Variants in GRID2 observed in about 807,000 individuals in gnomAD.
The protein encoded by GRID2 is glutamate receptor ionotropic, delta-2.
A neutral mutation model predicts 114.8 loss-of-function variants in GRID2; 33 were observed. That is an observed-to-expected ratio of 0.29 (90% CI 0.22 to 0.38). The LOEUF (loss-of-function observed/expected upper bound fraction) is 0.38, where lower values mean the gene tolerates loss of function less well. Ranked by LOEUF, GRID2 falls within the 10% of genes least tolerant of loss-of-function variation. The probability of loss-of-function intolerance (pLI) is 1.00; values close to 1 mark genes in which losing one functional copy is unlikely to be tolerated. For synonymous variants in GRID2, 505 were observed against 449.9 expected (o/e 1.12, Z -1.55); for missense variants, 1,184 against 1,257.7 (o/e 0.94, Z 0.89).
At chr4:93,024,018 C>T (rs937376847) in intron 2 of GRID2, among the ~76,000 whole-genome samples, 3 of 151,770 alleles carry the variant, frequency 2.0e-5, no homozygotes, top group Non-Finnish European at 3.0e-5. Flanking sequence ...AAGAAAATCT[C>T]TATAAAAACA....
At chr4:93,220,962 A>G (rs1386623463) in intron 6 of GRID2, among the ~76,000 whole-genome samples, 1 of 152,208 alleles carries the variant, frequency 6.6e-6, no homozygotes, top group Non-Finnish European at 1.5e-5. Flanking sequence ...TTGACTGAAT[A>G]ATAAGCCTAA....
At chr4:92,969,278 T>G (rs1753345236) in intron 2 of GRID2, among the ~76,000 whole-genome samples, 1 of 151,684 alleles carries the variant, frequency 6.6e-6, no homozygotes. Flanking sequence ...TTATTATAAA[T>G]AATCCACAAT....
At chr4:92,362,370 T>G (rs1177379301) in intron 1 of GRID2, among the ~76,000 whole-genome samples, 1 of 151,994 alleles carries the variant, frequency 6.6e-6, no homozygotes, top group Non-Finnish European at 1.5e-5. Flanking sequence ...CAAAGTAGAT[T>G]GCAAAATAAT....
chr4:93,441,961 CT>C (rs1721661216), intron 10 of GRID2, among the ~76,000 whole-genome samples: 1 of 151,972 alleles, frequency 6.6e-6, no homozygotes, highest in Admixed American at 6.6e-5. Flanking sequence ...GTGAGGACAT[CT>C]GAGTGTCTCT....
rs538132176 is a variant in GRID2 at position 93,395,502 on chromosome 4, A to G, written c.1246-105A>G. The G allele has an allele frequency of 4.5e-5, 27 of 597,610 alleles. No homozygotes were observed. In the African/African-American group the frequency reaches 4.9e-4, roughly 11 times the overall value. The allele number at this position is 597,610 out of a possible 1,614,324, so 37.0% of individuals were successfully genotyped here. Reference sequence around the variant, plus strand: ...AAAACCTGTGCAGTACTCTTTCCATACCAATTATTCTAAGAGCTATCACAT... The same window carrying G: ...AAAACCTGTGCAGTACTCTTTCCATGCCAATTATTCTAAGAGCTATCACAT... On this transcript the variant is annotated intron_variant, in intron 8 of 15. Transcript: ENST00000282020.
At chr4:93,745,326 G>A (rs931558183) in intron 14 of GRID2, among the ~76,000 whole-genome samples, 1 of 152,140 alleles carries the variant, frequency 6.6e-6, no homozygotes, top group African/African-American at 2.4e-5. Flanking sequence ...GAAAAAAAGA[G>A]AGAATAGAAA....
chr4:92,423,593 T>C (rs75323378), intron 1 of GRID2, among the ~76,000 whole-genome samples: 1,894 of 152,242 alleles, frequency 0.012, 40 homozygotes, highest in African/African-American at 0.042. Flanking sequence ...AGAGAAGTGT[T>C]GTTACATTCT....
intron 2 of GRID2, among the ~76,000 whole-genome samples, chr4:92,896,562 A>G (rs1747178775): frequency 6.6e-6 from 1 of 150,552 alleles, no homozygotes; most frequent in Non-Finnish European, 1.5e-5. Context: ...AATATTATAT[A>G]TATATATATA....
At chr4:93,081,170 C>T (rs991843692) in intron 2 of GRID2, among the ~76,000 whole-genome samples, 1 of 151,790 alleles carries the variant, frequency 6.6e-6, no homozygotes, top group African/African-American at 2.4e-5. Flanking sequence ...TTAAAATCAC[C>T]GGAGGAAGTT....
chr4:93,077,301 A>G (rs1334721082), intron 2 of GRID2, among the ~76,000 whole-genome samples: 2 of 152,218 alleles, frequency 1.3e-5, no homozygotes, highest in Admixed American at 1.3e-4. Flanking sequence ...GTGATATTCT[A>G]GGTAGATAGC....
chr4:92,943,685 C>G (rs964345264), intron 2 of GRID2, among the ~76,000 whole-genome samples: 26 of 152,126 alleles, frequency 1.7e-4, no homozygotes, highest in African/African-American at 6.0e-4. Flanking sequence ...TTTTTCTGCT[C>G]TGTTTTTTCC....
rs1266661271 is a variant in GRID2 at position 92,449,710 on chromosome 4, T to TATATATATATAA, written c.89-140420_89-140419insTATATATATAAA. Among the ~76,000 whole-genome samples the TATATATATATAA allele has an allele frequency of 1.8e-3, 240 of 131,652 alleles. 4 individuals carry two copies. The highest frequency in any genetic ancestry group is 6.6e-3 in the African/African-American group (226 of 34,336). 86.4% of individuals were successfully genotyped at this position (131,652 alleles called of 152,430 possible). ...ATATATATATATATATATATATATA[T>TATATATATATAA]AACACTTAAGCCAAATTCATTTATA... On this transcript the variant is annotated intron_variant, in intron 1 of 15. Transcript: ENST00000282020.
At chr4:92,534,358 C>T (rs1207817829) in intron 1 of GRID2, among the ~76,000 whole-genome samples, 1 of 152,086 alleles carries the variant, frequency 6.6e-6, no homozygotes, top group Non-Finnish European at 1.5e-5. Flanking sequence ...CCATTCATTT[C>T]ATGAGTGTAG....
At chr4:93,684,106 C>T (rs1023437743) in intron 14 of GRID2, among the ~76,000 whole-genome samples, 1 of 152,024 alleles carries the variant, frequency 6.6e-6, no homozygotes, top group Non-Finnish European at 1.5e-5. Context: ...ATACACACTC[C>T]AGAATAAAAT....
At chr4:93,116,674 T>C (rs1733292132) in intron 4 of GRID2, among the ~76,000 whole-genome samples, 1 of 152,112 alleles carries the variant, frequency 6.6e-6, no homozygotes, top group Non-Finnish European at 1.5e-5. Flanking sequence ...CACAAATTCC[T>C]GGTTCCTGTG....
intron 1 of GRID2, among the ~76,000 whole-genome samples, chr4:92,320,059 A>G (rs1726230815): frequency 6.6e-6 from 1 of 152,198 alleles, no homozygotes; most frequent in South Asian, 2.1e-4. Context: ...GGGAGTAAGT[A>G]CAGAAAATTC....
intron 13 of GRID2, among the ~76,000 whole-genome samples, chr4:93,530,432 C>G (rs1411613062): frequency 2.6e-5 from 4 of 152,100 alleles, no homozygotes; most frequent in East Asian, 3.9e-4. Context: ...ACTATCAAAC[C>G]AAGTTGCTGG....
At chr4:93,168,811 C>T (rs1738514153) in intron 4 of GRID2, among the ~76,000 whole-genome samples, 2 of 152,084 alleles carry the variant, frequency 1.3e-5, no homozygotes, top group South Asian at 4.1e-4. Flanking sequence ...AACCCAGTTT[C>T]TGGCATAAAA....
chr4:92,653,795 A>G (rs1198703819), intron 2 of GRID2, among the ~76,000 whole-genome samples: 2 of 152,078 alleles, frequency 1.3e-5, no homozygotes, highest in African/African-American at 2.4e-5. Context: ...TAAAATTATC[A>G]GTGTGGGCTC....
Sources: gnomAD v4.1 joint callset for allele counts (sites outside exome capture counted in the v4.1 genomes callset) on GRCh38, gnomAD v4.1.1 for gene constraint, MANE v1.5 for transcripts, NCBI Gene and HGNC (gene_info 2026-07-23, HGNC 2026-07-21) for gene names.